RBMS1: variants seen among roughly 807,000 people sequenced by gnomAD.
RBMS1 encodes RNA binding motif single stranded interacting protein 1, also known as RNA-binding motif, single-stranded-interacting protein 1.
RBMS1 carries 17 observed loss-of-function variants against 62.3 expected under a neutral mutation model. The ratio of observed to expected loss-of-function variants is 0.27; its 90% confidence interval spans 0.19 to 0.41. The LOEUF (loss-of-function observed/expected upper bound fraction) is 0.41. Among genes scored for constraint, RBMS1 ranks in the 10% least tolerant of loss-of-function variants. The pLI is 1.00. For synonymous variants in RBMS1, 172 were observed against 170.0 expected (o/e 1.01, Z -0.09); for missense variants, 334 against 504.5 (o/e 0.66, Z 3.24).
chr2:160,492,205 G>C (rs985677863), intron 1 of RBMS1, among the ~76,000 whole-genome samples: 1 of 152,206 alleles, frequency 6.6e-6, no homozygotes. Context: ...GGCACCCAGA[G>C]TTGTGATAGA....
At chr2:160,394,051 A>G (rs1278042424) in intron 1 of RBMS1, among the ~76,000 whole-genome samples, 1 of 152,242 alleles carries the variant, frequency 6.6e-6, no homozygotes, top group Non-Finnish European at 1.5e-5. Context: ...TTCATTCAGG[A>G]TAAAATTTCA....
chr2:160,473,882 T>C (rs1371224954), intron 1 of RBMS1, among the ~76,000 whole-genome samples: 1 of 152,222 alleles, frequency 6.6e-6, no homozygotes, highest in African/African-American at 2.4e-5. Context: ...ATATTTTCAA[T>C]ACCTTTTATA....
At chr2:160,351,185 G>T in intron 2 of RBMS1, among the ~76,000 whole-genome samples, 1 of 151,308 alleles carries the variant, frequency 6.6e-6, no homozygotes, top group East Asian at 2.0e-4. Context: ...GTGGGGTAGG[G>T]GGAGGGGGGA....
intron 11 of RBMS1, 82 bp from the exon 12 acceptor site, chr2:160,277,465 T>C: frequency 9.6e-7 from 1 of 1,037,370 alleles, no homozygotes; most frequent in Non-Finnish European, 1.5e-6. Context: ...GAGATGGATA[T>C]AATGTATTTG....
chr2:160,285,933 A>G (rs1688361487), intron 7 of RBMS1, among the ~76,000 whole-genome samples: 1 of 151,504 alleles, frequency 6.6e-6, no homozygotes, highest in Admixed American at 6.6e-5. Flanking sequence ...AACACGGTGA[A>G]ACCCCATCTC....
intron 1 of RBMS1, among the ~76,000 whole-genome samples, chr2:160,466,973 T>A (rs1270744510): frequency 6.6e-6 from 1 of 152,224 alleles, no homozygotes; most frequent in Non-Finnish European, 1.5e-5. Context: ...TTAAAGTGCC[T>A]GACAATAGTA....
At chr2:160,392,285 G>A (rs1294463223) in intron 1 of RBMS1, among the ~76,000 whole-genome samples, 6 of 152,104 alleles carry the variant, frequency 3.9e-5, no homozygotes, top group Admixed American at 6.5e-5. Context: ...ATGGTCTGCC[G>A]GTCAAACACT....
At chr2:160,334,431 C>T (rs946928401) in intron 2 of RBMS1, among the ~76,000 whole-genome samples, 2 of 152,148 alleles carry the variant, frequency 1.3e-5, no homozygotes, top group African/African-American at 2.4e-5. Context: ...CTGGCAAAGG[C>T]GGTACCATTA....
At chr2:160,275,782 T>C (rs57047289) in intron 12 of RBMS1, 68 bp from the exon 13 acceptor site, 210,932 of 1,603,484 alleles carry the variant, frequency 0.13, 15,455 homozygotes, top group East Asian at 0.28. Flanking sequence ...TACTTAGGCC[T>C]GACTGAATCC....
chr2:160,320,076 GACA>G (rs1690469937), intron 2 of RBMS1, among the ~76,000 whole-genome samples: 1 of 152,150 alleles, frequency 6.6e-6, no homozygotes. Flanking sequence ...GTGATCTAAA[GACA>G]ACCTTTCAGC....
chr2:160,348,551 C>A (rs1692310932), intron 2 of RBMS1, among the ~76,000 whole-genome samples: 1 of 152,074 alleles, frequency 6.6e-6, no homozygotes, highest in African/African-American at 2.4e-5. Flanking sequence ...TTCACAGAGG[C>A]TGACTGTTTC....
chr2:160,291,017 T>C (rs10929976), intron 6 of RBMS1, among the ~76,000 whole-genome samples: 107,287 of 152,038 alleles, frequency 0.71, 38,427 homozygotes, highest in East Asian at 0.82. Flanking sequence ...AATGTCTTTC[T>C]TTGATATTTG....
chr2:160,285,079 T>G, intron 7 of RBMS1, 35 bp from the exon 8 acceptor site: 1 of 1,584,766 alleles, frequency 6.3e-7, no homozygotes, highest in Admixed American at 1.7e-5. Flanking sequence ...AACATTCATC[T>G]AGAAAGGCAT....
At chr2:160,329,893 C>CA (rs1367276916) in intron 2 of RBMS1, among the ~76,000 whole-genome samples, 1 of 151,554 alleles carries the variant, frequency 6.6e-6, no homozygotes, top group Non-Finnish European at 1.5e-5. Context: ...CCTTAAAAAA[C>CA]AAAAAAACTA....
At chr2:160,307,843 G>C (rs1574253528) in intron 4 of RBMS1, among the ~76,000 whole-genome samples, 1 of 152,300 alleles carries the variant, frequency 6.6e-6, no homozygotes, top group African/African-American at 2.4e-5. Flanking sequence ...ACCAACCACT[G>C]GTCTCTAATG....
intron 9 of RBMS1, chr2:160,283,732 T>C (rs1053465873): frequency 1.3e-5 from 2 of 152,204 alleles, no homozygotes; most frequent in Admixed American, 6.5e-5. Flanking sequence ...ATAATAATCA[T>C]AGCTAACATT....
intron 1 of RBMS1, among the ~76,000 whole-genome samples, chr2:160,383,615 T>C (rs1426513433): frequency 1.3e-5 from 2 of 152,336 alleles, no homozygotes; most frequent in East Asian, 3.9e-4. Flanking sequence ...ATATCTATCA[T>C]CTCAAACCTC....
At chr2:160,374,525 C>A (rs1325106756) in intron 1 of RBMS1, among the ~76,000 whole-genome samples, 1 of 152,116 alleles carries the variant, frequency 6.6e-6, no homozygotes, top group Non-Finnish European at 1.5e-5. Context: ...CAGAATCTCA[C>A]ATGTAGAAAA....
intron 2 of RBMS1, among the ~76,000 whole-genome samples, chr2:160,350,233 C>T (rs964536450): frequency 6.6e-6 from 1 of 152,014 alleles, no homozygotes; most frequent in Admixed American, 6.6e-5. Context: ...GTTTTAAACA[C>T]TAACAGCATT....
Sources: gnomAD v4.1 joint callset for allele counts (sites outside exome capture counted in the v4.1 genomes callset) on GRCh38, gnomAD v4.1.1 for gene constraint, MANE v1.5 for transcripts, NCBI Gene and HGNC (gene_info 2026-07-23, HGNC 2026-07-21) for gene names.